RAP1GDS1: variants seen among roughly 807,000 people sequenced by gnomAD.
RAP1GDS1 encodes RAP1, GTP-GDP dissociation stimulator 1.
Under a neutral mutation model 71.1 loss-of-function variants are expected in RAP1GDS1, and 35 were observed. The observed-to-expected ratio is 0.49, with a 90% CI of 0.38 to 0.65. The LOEUF (loss-of-function observed/expected upper bound fraction) is 0.65, where lower values mean the gene tolerates loss of function less well. RAP1GDS1 is among the 30% of genes least tolerant of loss of function. The pLI is 0.00. For synonymous variants in RAP1GDS1, 229 were observed against 243.1 expected, an observed-to-expected ratio of 0.94 and a Z score of 0.54; for missense variants, 663 against 706.1, an observed-to-expected ratio of 0.94 and a Z score of 0.69.
At chr4:98,350,819 CA>C (rs1737072470) in intron 3 of RAP1GDS1, among the ~76,000 whole-genome samples, 1 of 151,992 alleles carries the variant, frequency 6.6e-6, no homozygotes, top group African/African-American at 2.4e-5. Context: ...GCCTGGGTGA[CA>C]AAGCAAGGCT....
intron 5 of RAP1GDS1, 189 bp downstream of exon 5, chr4:98,379,352 C>T: frequency 1.6e-6 from 1 of 631,800 alleles, no homozygotes; most frequent in Non-Finnish European, 2.4e-6. Context: ...CTAAATGGGA[C>T]TAATTTTTGA....
At chr4:98,385,195 A>G (rs1399620578) in intron 5 of RAP1GDS1, among the ~76,000 whole-genome samples, 1 of 151,788 alleles carries the variant, frequency 6.6e-6, no homozygotes. Flanking sequence ...TTACATTTCA[A>G]CTGATAGAAT....
intron 2 of RAP1GDS1, among the ~76,000 whole-genome samples, chr4:98,324,826 A>C (rs1303866104): frequency 6.6e-6 from 1 of 151,808 alleles, no homozygotes; most frequent in Non-Finnish European, 1.5e-5. Context: ...CCCTAGAAGA[A>C]AACCTAGGCA....
chr4:98,389,850 A>G (rs1185921894), intron 5 of RAP1GDS1, among the ~76,000 whole-genome samples: 1 of 152,168 alleles, frequency 6.6e-6, no homozygotes, highest in Non-Finnish European at 1.5e-5. Flanking sequence ...TTCTTCTGTT[A>G]TCTTCTCCAT....
At chr4:98,308,135 A>AAT (rs938623845) in intron 2 of RAP1GDS1, among the ~76,000 whole-genome samples, 3 of 151,206 alleles carry the variant, frequency 2.0e-5, no homozygotes, top group Non-Finnish European at 4.4e-5. Context: ...TCTATCAAAG[A>AAT]ATATATATAT....
At chr4:98,274,135 A>T (rs1229766722) in intron 1 of RAP1GDS1, among the ~76,000 whole-genome samples, 5 of 152,160 alleles carry the variant, frequency 3.3e-5, no homozygotes, top group Non-Finnish European at 1.5e-5. Context: ...CTTTGCCTTG[A>T]CTTTTAAGTC....
intron 5 of RAP1GDS1, among the ~76,000 whole-genome samples, chr4:98,390,146 G>A (rs957936032): frequency 2.0e-5 from 3 of 152,066 alleles, no homozygotes; most frequent in African/African-American, 7.2e-5. Flanking sequence ...CCTATCTACT[G>A]GTAAGTAACC....
Position 98,403,744 on chromosome 4 carries a change from T to C in RAP1GDS1, c.638-733T>C, listed in dbSNP as rs1297537937. On this transcript the variant is annotated intron_variant, in intron 6 of 14. Transcript: ENST00000408927. The stretch of plus-strand genomic sequence containing the variant: ...ATGAATCCTAAGGAACTAGAATTTA[T>C]ACAGGTCTTGTGGAAAAGGAGGAAC... Among the ~76,000 whole-genome samples the C allele has an allele frequency of 2.6e-5, 4 of 152,322 alleles. No individual in the cohort carries two copies. In the East Asian group the frequency reaches 5.8e-4, roughly 22 times the overall value.
Position 98,442,063 on chromosome 4 carries a change from A to T in RAP1GDS1, c.1770A>T (p.Lys590Asn). 6.2e-7 allele frequency: 1 copy of T among 1,614,040 alleles called. No homozygotes were observed. The highest frequency in any genetic ancestry group is 8.5e-7 in the Non-Finnish European group (1 of 1,179,996). ...VVSKLRSHENKSVAQQASLTE... is the reference protein window; with the variant it reads ...VVSKLRSHENNSVAQQASLTE... ...CCAAACTTCGCAGTCATGAGAACAA[A>T]AGTGTTGCCCAGCAGGCCTCTCTCA... The change falls in exon 15 of 15, where the codon AAA (lysine) becomes AAT (asparagine). Residue 590 changes from lysine (K) to asparagine (N), a missense_variant. Lys to Asn is a moderately conservative substitution (Grantham distance 94). Coordinates refer to ENST00000408927, the MANE Select transcript of RAP1GDS1 (RefSeq NM_001100427.2).
At chr4:98,291,950 G>A (rs181006200) in intron 1 of RAP1GDS1, among the ~76,000 whole-genome samples, 3 of 152,134 alleles carry the variant, frequency 2.0e-5, no homozygotes, top group African/African-American at 4.8e-5. Flanking sequence ...GTGAATATCC[G>A]CAATTATCTG....
In RAP1GDS1 at chr4:98,334,355, A is replaced by G. The variant is rs72896337; in HGVS notation, c.113-8784A>G. Among the ~76,000 whole-genome samples the G allele has an allele frequency of 3.2e-3, 485 of 152,268 alleles. 2 individuals carry two copies. Among genetic ancestry groups the G allele is most frequent in the African/African-American group, 0.011 (472 of 41,566 alleles). On this transcript the variant is annotated intron_variant, in intron 2 of 14. Coordinates refer to ENST00000408927, the MANE Select transcript of RAP1GDS1 (RefSeq NM_001100427.2). ...TCCCCCACCTTTGACTCAGTTTCAC[A>G]TGAGTTTAGGGTTAAATATTCAATG... is the stretch of plus-strand genomic sequence containing the variant.
intron 4 of RAP1GDS1, among the ~76,000 whole-genome samples, chr4:98,358,535 T>C (rs1485879072): frequency 3.3e-5 from 5 of 152,176 alleles, no homozygotes; most frequent in Middle Eastern, 3.4e-3. Flanking sequence ...TTCATTGTAC[T>C]TTATCCTTTT....
intron 4 of RAP1GDS1, among the ~76,000 whole-genome samples, chr4:98,362,840 A>G (rs945555578): frequency 2.0e-5 from 3 of 152,192 alleles, no homozygotes; most frequent in African/African-American, 4.8e-5. Flanking sequence ...TTCTCACTCT[A>G]TGTCTTTGTA....
At chr4:98,298,189 T>C (rs1239308406) in intron 2 of RAP1GDS1, among the ~76,000 whole-genome samples, 1 of 152,146 alleles carries the variant, frequency 6.6e-6, no homozygotes, top group Non-Finnish European at 1.5e-5. Context: ...AGGAAAGAAG[T>C]CATCTTCACA....
At chr4:98,407,319 A>C (rs911894993) in intron 7 of RAP1GDS1, among the ~76,000 whole-genome samples, 4 of 152,156 alleles carry the variant, frequency 2.6e-5, no homozygotes, top group Non-Finnish European at 5.9e-5. Flanking sequence ...TACAAAAAAA[A>C]ATTTTTTAAG....
chr4:98,336,034 T>C (rs1560859427), intron 2 of RAP1GDS1, among the ~76,000 whole-genome samples: 1 of 152,188 alleles, frequency 6.6e-6, no homozygotes, highest in South Asian at 2.1e-4. Context: ...TAAATCTCTT[T>C]ATCTTTATTT....
Position 98,379,177 on chromosome 4 carries a change from A to T in RAP1GDS1, c.508+14A>T. 6.4e-7 allele frequency: 1 copy of T among 1,555,834 alleles called. No homozygotes were observed. Among genetic ancestry groups the T allele is most frequent in the East Asian group, 2.3e-5 (1 of 43,068 alleles). On this transcript the variant is annotated intron_variant, in intron 5 of 14. Coordinates refer to ENST00000408927, the MANE Select transcript of RAP1GDS1 (RefSeq NM_001100427.2). ...GCAATGAGAATGGTAAACAAAACTG[A>T]AAACTTGCTTTATCTCTGGGGGAAA...
In RAP1GDS1 at chr4:98,261,710, A is replaced by G. The variant is rs1175027066; in HGVS notation, c.4+141A>G. On this transcript the variant is annotated intron_variant, in intron 1 of 14. Transcript: ENST00000408927. ...AGACGGTGGCTGTTCCTCCGGGGAGAGTCGGCGCACGCGGAACGCACGCCG... is the reference window on the plus strand; with the variant it reads ...AGACGGTGGCTGTTCCTCCGGGGAGGGTCGGCGCACGCGGAACGCACGCCG... The G allele has an allele frequency of 7.0e-6, 8 of 1,149,724 alleles. No homozygotes were observed. The South Asian group carries it at 1.1e-4, about 16-fold the overall frequency. 71.2% of individuals were successfully genotyped at this position (1,149,724 alleles called of 1,614,324 possible).
chr4:98,400,546 AAC>A (rs1745253053), intron 6 of RAP1GDS1, among the ~76,000 whole-genome samples: 1 of 151,928 alleles, frequency 6.6e-6, no homozygotes, highest in African/African-American at 2.4e-5. Flanking sequence ...AAAAAAAAAA[AAC>A]GGATACTAGA....
Sources: gnomAD v4.1 joint callset for allele counts (sites outside exome capture counted in the v4.1 genomes callset) on GRCh38, gnomAD v4.1.1 for gene constraint, MANE v1.5 for transcripts, NCBI Gene and HGNC (gene_info 2026-07-23, HGNC 2026-07-21) for gene names.